FBXO16: variants seen among roughly 807,000 people sequenced by gnomAD.
FBXO16 encodes F-box only protein 16.
In FBXO16, 31 loss-of-function variants were observed where a neutral mutation model predicts 41.0. The ratio of observed to expected loss-of-function variants is 0.76; its 90% CI spans 0.57 to 1.02. FBXO16 has a LOEUF of 1.02. Among genes scored for constraint, FBXO16 ranks in the 50% least tolerant of loss-of-function variants. The pLI, the probability that FBXO16 is intolerant of heterozygous loss-of-function variation, is 0.00. For synonymous variants in FBXO16, 133 were observed against 117.8 expected, an observed-to-expected ratio of 1.13 and a Z score of -0.84; for missense variants, 361 against 346.2, an observed-to-expected ratio of 1.04 and a Z score of -0.34.
At chr8:28,441,194 C>A (rs1245495830) in intron 7 of FBXO16, among the ~76,000 whole-genome samples, 1 of 152,112 alleles carries the variant, frequency 6.6e-6, no homozygotes, top group African/African-American at 2.4e-5. Flanking sequence ...TGGCTTCTCT[C>A]CTCCTCTTCC....
chr8:28,444,617 A>G (rs1802832762), intron 7 of FBXO16, among the ~76,000 whole-genome samples: 1 of 149,108 alleles, frequency 6.7e-6, no homozygotes. Context: ...AGCTTGGACT[A>G]CAAGCACCCG....
At chr8:28,470,663 A>AT (rs1158067283) in intron 3 of FBXO16, among the ~76,000 whole-genome samples, 4 of 152,098 alleles carry the variant, frequency 2.6e-5, no homozygotes, top group Admixed American at 6.5e-5. Context: ...GAATTTGGGA[A>AT]TTTCGTTGTT....
intron 1 of FBXO16, among the ~76,000 whole-genome samples, chr8:28,487,358 C>T (rs778587891): frequency 6.0e-5 from 9 of 150,926 alleles, no homozygotes; most frequent in Non-Finnish European, 1.0e-4. Context: ...TACATGTTCA[C>T]AGAACAGACC....
chr8:28,448,340 C>CAAAAAAAAAAAAAAAAAAAAGAAAAA (rs1802899206), intron 6 of FBXO16, among the ~76,000 whole-genome samples: 3 of 49,848 alleles, frequency 6.0e-5, no homozygotes, highest in Admixed American at 2.5e-4. Context: ...GACCCTAAAT[C>CAAAAAAAAAAAAAAAAAAAAGAAAAA]AAAAAAAAAA....
At chr8:28,429,506 C>G in intron 7 of FBXO16, 103 bp from the exon 8 acceptor site, 1 of 1,394,446 alleles carries the variant, frequency 7.2e-7, no homozygotes, top group Non-Finnish European at 1.0e-6. Flanking sequence ...TCAAAGTTCG[C>G]CCTTATCTTG....
intron 5 of FBXO16, among the ~76,000 whole-genome samples, chr8:28,452,700 C>CTGAG (rs1427972622): frequency 1.3e-5 from 2 of 152,074 alleles, no homozygotes; most frequent in African/African-American, 4.8e-5. Flanking sequence ...ATTCGTGAGG[C>CTGAG]TGAGGCAGGA....
chr8:28,475,911 A>G (rs2130187012), intron 2 of FBXO16, among the ~76,000 whole-genome samples: 1 of 152,290 alleles, frequency 6.6e-6, no homozygotes, highest in East Asian at 1.9e-4. Context: ...TAAGCAGAGG[A>G]CCAAAGAGGT....
intron 2 of FBXO16, among the ~76,000 whole-genome samples, chr8:28,482,334 A>T (rs1803527354): frequency 6.6e-6 from 1 of 152,084 alleles, no homozygotes; most frequent in African/African-American, 2.4e-5. Flanking sequence ...GGATGAGGTC[A>T]GTTTTATATA....
At chr8:28,463,166 GTGTT>G (rs1160837152) in intron 4 of FBXO16, among the ~76,000 whole-genome samples, 1 of 151,880 alleles carries the variant, frequency 6.6e-6, no homozygotes, top group Non-Finnish European at 1.5e-5. Context: ...GTGTGTATGT[GTGTT>G]TGTGTGTGTA....
At chr8:28,439,870 A>G (rs200977925) in intron 7 of FBXO16, among the ~76,000 whole-genome samples, 1 of 21,636 alleles carries the variant, frequency 4.6e-5, no homozygotes, top group East Asian at 6.1e-3. Context: ...TGTTCTATAA[A>G]TTCTTCTGTT....
intron 6 of FBXO16, among the ~76,000 whole-genome samples, chr8:28,450,865 C>G (rs929092097): frequency 3.3e-5 from 5 of 152,112 alleles, no homozygotes; most frequent in African/African-American, 1.2e-4. Flanking sequence ...TCACTTGAGT[C>G]TGATCGCTTG....
At chr8:28,456,629 G>T (rs1176706123) in intron 5 of FBXO16, 137 bp downstream of exon 5, 1 of 1,008,200 alleles carries the variant, frequency 9.9e-7, no homozygotes, top group Non-Finnish European at 1.4e-6. Flanking sequence ...TCTCAGAAAA[G>T]GAGAATTTTG....
chr8:28,430,890 T>G (rs1374277774), intron 7 of FBXO16, among the ~76,000 whole-genome samples: 2 of 152,098 alleles, frequency 1.3e-5, no homozygotes, highest in Admixed American at 6.6e-5. Context: ...GAGAATCTCT[T>G]GAACCTGGGA....
At chr8:28,448,767 C>G (rs1398298882) in intron 6 of FBXO16, among the ~76,000 whole-genome samples, 1 of 152,192 alleles carries the variant, frequency 6.6e-6, no homozygotes, top group African/African-American at 2.4e-5. Context: ...ATCCTCCAAC[C>G]ACAGTCACAG....
At chr8:28,489,978 A>G (rs1243702364) in intron 1 of FBXO16, among the ~76,000 whole-genome samples, 1 of 152,234 alleles carries the variant, frequency 6.6e-6, no homozygotes, top group Non-Finnish European at 1.5e-5. Flanking sequence ...CAAGAACTAT[A>G]ACACAACGCA....
At chr8:28,488,143 G>A (rs1036933917) in intron 1 of FBXO16, among the ~76,000 whole-genome samples, 9 of 151,820 alleles carry the variant, frequency 5.9e-5, no homozygotes, top group African/African-American at 2.2e-4. Flanking sequence ...GAGCCACTGC[G>A]CCCAGCCAAA....
At chr8:28,480,566 C>T (rs972113655) in intron 2 of FBXO16, among the ~76,000 whole-genome samples, 27 of 151,652 alleles carry the variant, frequency 1.8e-4, no homozygotes, top group African/African-American at 6.1e-4. Context: ...TGTAGTGGTG[C>T]AATCTTGACT....
At chr8:28,462,277 C>CTTT (rs377494554) in intron 4 of FBXO16, among the ~76,000 whole-genome samples, 13 of 133,550 alleles carry the variant, frequency 9.7e-5, no homozygotes, top group Non-Finnish European at 1.6e-4. Context: ...TCTTCTTCTT[C>CTTT]TTTTTTTTTT....
At chr8:28,432,405 C>T (rs925809545) in intron 7 of FBXO16, among the ~76,000 whole-genome samples, 2 of 151,772 alleles carry the variant, frequency 1.3e-5, no homozygotes, top group Admixed American at 6.6e-5. Context: ...ACCTGGGAGT[C>T]GGAGGTTGCA....
Sources: gnomAD v4.1 joint callset for allele counts (sites outside exome capture counted in the v4.1 genomes callset) on GRCh38, gnomAD v4.1.1 for gene constraint, MANE v1.5 for transcripts, NCBI Gene and HGNC (gene_info 2026-07-23, HGNC 2026-07-21) for gene names.